The following CFAP206 variants were observed in gnomAD, a reference collection of about 807,000 sequenced individuals.
CFAP206 encodes cilia and flagella associated protein 206.
A neutral mutation model predicts 65.4 loss-of-function variants in CFAP206; 53 were observed. That is an observed-to-expected ratio of 0.81 (90% confidence interval 0.65 to 1.02). The LOEUF (loss-of-function observed/expected upper bound fraction) is 1.02, where lower values mean the gene tolerates loss of function less well. Among genes scored for constraint, CFAP206 ranks in the 50% least tolerant of loss-of-function variants. The pLI is 0.00. For missense variants in CFAP206, 663 were observed against 753.2 expected (o/e 0.88, Z 1.40); for synonymous variants, 250 against 254.4 (o/e 0.98, Z 0.17).
At chr6:87,444,554 A>T (rs1424670595) in intron 11 of CFAP206, 1 of 304,478 alleles carries the variant, frequency 3.3e-6, no homozygotes, top group Non-Finnish European at 6.4e-6. Flanking sequence ...CTGGATCACT[A>T]AGAATGTCAT....
intron 6 of CFAP206, among the ~76,000 whole-genome samples, chr6:87,417,755 C>CT (rs11394814): frequency 0.18 from 21,936 of 121,670 alleles, 2,505 homozygotes; most frequent in African/African-American, 0.3. Context: ...GTTTTAGATT[C>CT]TTTTTTTTTT....
intron 8 of CFAP206, among the ~76,000 whole-genome samples, chr6:87,427,623 G>A (rs1355091798): frequency 6.6e-6 from 1 of 152,032 alleles, no homozygotes; most frequent in Non-Finnish European, 1.5e-5. Context: ...ATATCTCACT[G>A]GCCTCAAATA....
At chr6:87,444,521 A>C (rs961127073) in intron 11 of CFAP206, 6 of 262,046 alleles carry the variant, frequency 2.3e-5, no homozygotes, top group Non-Finnish European at 4.6e-5. Context: ...TAACTTCTGG[A>C]CCCTGTATGG....
At chr6:87,460,271 GA>G (rs1355223774) in intron 11 of CFAP206, among the ~76,000 whole-genome samples, 1 of 152,136 alleles carries the variant, frequency 6.6e-6, no homozygotes, top group Admixed American at 6.5e-5. Context: ...TTCCCCAAAA[GA>G]AAATCAGTAT....
At chr6:87,446,164 CTGA>C (rs568129088) in intron 11 of CFAP206, among the ~76,000 whole-genome samples, 15 of 152,266 alleles carry the variant, frequency 9.9e-5, no homozygotes, top group South Asian at 2.1e-4. Context: ...TCTGTTCACT[CTGA>C]TGATAGTTTA....
At chr6:87,422,177 G>A (rs1168237694) in intron 7 of CFAP206, among the ~76,000 whole-genome samples, 2 of 152,114 alleles carry the variant, frequency 1.3e-5, no homozygotes, top group African/African-American at 2.4e-5. Flanking sequence ...GGCCGGGCGT[G>A]GTGGCTCACA....
chr6:87,448,072 A>G (rs1768476124), intron 11 of CFAP206, among the ~76,000 whole-genome samples: 1 of 151,296 alleles, frequency 6.6e-6, no homozygotes, highest in African/African-American at 2.4e-5. Flanking sequence ...TGTTATCTAC[A>G]TTATGTGTTT....
intron 11 of CFAP206, among the ~76,000 whole-genome samples, chr6:87,446,329 G>A (rs1768440314): frequency 6.6e-6 from 1 of 152,028 alleles, no homozygotes; most frequent in Non-Finnish European, 1.5e-5. Context: ...GGTTTTTATA[G>A]TTTAATAGTT....
At chr6:87,462,203 G>A (rs1768760755) in intron 12 of CFAP206, among the ~76,000 whole-genome samples, 1 of 152,132 alleles carries the variant, frequency 6.6e-6, no homozygotes, top group Non-Finnish European at 1.5e-5. Flanking sequence ...GTCATATATG[G>A]TCTAGCCTTT....
intron 11 of CFAP206, among the ~76,000 whole-genome samples, chr6:87,447,632 C>T (rs916357453): frequency 1.3e-5 from 2 of 152,032 alleles, no homozygotes; most frequent in Admixed American, 6.6e-5. Context: ...TATTGGCCTG[C>T]AGTTGTTTTT....
At chr6:87,415,331 T>C (rs766774122) in intron 4 of CFAP206, among the ~76,000 whole-genome samples, 2 of 149,854 alleles carry the variant, frequency 1.3e-5, no homozygotes, top group Non-Finnish European at 3.0e-5. Context: ...TATTTTTTCA[T>C]ATAGTATTAA....
rs752121734 is a variant in CFAP206 at position 87,416,743 on chromosome 6, C to T, written c.547C>T (p.Gln183Ter). The change falls in exon 6 of 13, where the codon CAG becomes TAG. Residue 183 changes from glutamine to a stop codon, truncating the protein, a stop_gained. Coordinates refer to ENST00000369562, the MANE Select transcript of CFAP206 (RefSeq NM_001031743.3). LOFTEE classifies it high-confidence loss of function. ...TCTTTCTAAGAAGGACAAAGAACGC[C>T]AGCTGAAAGAACTCACCATGATTGT... Reference protein sequence around the residue: ...LTLSKKDKERQLKELTMIVTG... With the variant: ...LTLSKKDKER 1.9e-6 allele frequency: 3 copies of T among 1,613,632 alleles called. No individual in the cohort carries two copies. Among genetic ancestry groups the T allele is most frequent in the Admixed American group, 1.7e-5 (1 of 59,976 alleles).
At chr6:87,442,247 C>T (rs1464019124) in intron 11 of CFAP206, 1 of 153,184 alleles carries the variant, frequency 6.5e-6, no homozygotes, top group East Asian at 1.9e-4. Context: ...GGATGTGTTA[C>T]ATTCTGGTTC....
chr6:87,454,035 G>C (rs1465278297), intron 11 of CFAP206, among the ~76,000 whole-genome samples: 1 of 152,014 alleles, frequency 6.6e-6, no homozygotes, highest in Non-Finnish European at 1.5e-5. Flanking sequence ...TGAAAATGAA[G>C]GGATGAAAAA....
At chr6:87,415,982 T>C in intron 5 of CFAP206, 108 bp downstream of exon 5, 1 of 792,580 alleles carries the variant, frequency 1.3e-6, no homozygotes, top group Non-Finnish European at 1.7e-6. Flanking sequence ...CCTTTTTATC[T>C]GAAAAAAAAA....
In CFAP206 at chr6:87,464,040, TACTC is replaced by T. The variant is rs1401079310; in HGVS notation, c.1665_1668del (p.His555GlnfsTer9). On this transcript the variant is annotated frameshift_variant, in exon 13 of 13. Transcript: ENST00000369562. LOFTEE classifies it high-confidence loss of function. ...TTTAGGCTAATTTGCGCCAGAAAGT[TACTC>T]ACTCAGTACAAACTGATCTTAGTCA... is the stretch of plus-strand genomic sequence containing the variant. 1.2e-6 allele frequency: 2 copies of T among 1,611,590 alleles called. No individual in the cohort carries two copies. Among genetic ancestry groups the T allele is most frequent in the Admixed American group, 1.7e-5 (1 of 59,872 alleles).
At chr6:87,408,599 A>G (rs1251829818) in intron 1 of CFAP206, 1 of 151,266 alleles carries the variant, frequency 6.6e-6, no homozygotes, top group Non-Finnish European at 1.5e-5. Context: ...GCGCACACAG[A>G]TCCGGAGCGC....
At position 87,443,481 on chromosome 6, in the gene CFAP206, A is replaced by G. The variant is rs146685387; in HGVS notation, c.1494+8428A>G. Reference sequence around the variant, plus strand: ...TGATCTTTATTATTTTCCTTTATCTAGTTCCTTCATTTTATTCTGTTTTCT... The same window carrying G: ...TGATCTTTATTATTTTCCTTTATCTGGTTCCTTCATTTTATTCTGTTTTCT... On this transcript the variant is annotated intron_variant, in intron 11 of 12. Coordinates refer to ENST00000369562, the MANE Select transcript of CFAP206 (RefSeq NM_001031743.3). 3.6e-3 allele frequency among the ~76,000 whole-genome samples: 549 copies of G among 151,872 alleles called. 4 individuals are homozygous for G. Among genetic ancestry groups the G allele is most frequent in the African/African-American group, 0.012 (508 of 41,404 alleles).
At chr6:87,447,972 A>ATTATTATTATTATTATTATTAT (rs1328403636) in intron 11 of CFAP206, among the ~76,000 whole-genome samples, 1 of 150,950 alleles carries the variant, frequency 6.6e-6, no homozygotes, top group Non-Finnish European at 1.5e-5. Context: ...TATTATTACT[A>ATTATTATTATTATTATTATTAT]TACTTTAAGT....
Sources: allele counts gnomAD v4.1 joint callset (sites outside exome capture counted in the v4.1 genomes callset), GRCh38; gene constraint gnomAD v4.1.1; transcripts MANE v1.5; gene names NCBI Gene and HGNC (gene_info 2026-07-23, HGNC 2026-07-21).